The following NBAS variants were observed in gnomAD, a reference collection of about 807,000 sequenced individuals.
The protein encoded by NBAS is NBAS subunit of NRZ tethering complex, also known as NAG/BC035112 fusion.
NBAS carries 219 observed loss-of-function variants against 302.5 expected under a neutral mutation model. The ratio of observed to expected loss-of-function variants is 0.72; its 90% CI spans 0.65 to 0.81. NBAS has a LOEUF of 0.81. NBAS is among the 30% of genes least tolerant of loss of function. NBAS has a pLI of 0.00. For missense variants in NBAS, 2,932 were observed against 2,841.6 expected (o/e 1.03, Z -0.72); for synonymous variants, 1,118 against 1,021.6 (o/e 1.09, Z -1.80).
At chr2:14,888,401 G>A in the NBAS span, among the ~76,000 whole-genome samples, 1 of 151,980 alleles carries the variant, frequency 6.6e-6, no homozygotes, top group African/African-American at 2.4e-5. Flanking sequence ...AAAGTGCTGG[G>A]ATTACAGGCG....
chr2:15,006,467 T>C, the NBAS span, among the ~76,000 whole-genome samples: 12 of 152,126 alleles, frequency 7.9e-5, no homozygotes, highest in Admixed American at 1.3e-4. Flanking sequence ...ATTAAGATGG[T>C]TTTACTAAAT....
At chr2:14,827,139 T>C in the NBAS span, among the ~76,000 whole-genome samples, 1 of 152,198 alleles carries the variant, frequency 6.6e-6, no homozygotes, top group Non-Finnish European at 1.5e-5. Context: ...TGTCTTATAG[T>C]AGTTCAAAGA....
the NBAS span, among the ~76,000 whole-genome samples, chr2:15,016,709 C>A: frequency 6.6e-6 from 1 of 152,106 alleles, no homozygotes; most frequent in African/African-American, 2.4e-5. Flanking sequence ...CATCATACTA[C>A]CAGACTTCAA....
At chr2:14,900,581 T>C in the NBAS span, among the ~76,000 whole-genome samples, 1 of 152,340 alleles carries the variant, frequency 6.6e-6, no homozygotes, top group East Asian at 1.9e-4. Context: ...CCTTCTCTTC[T>C]ATATCACCCA....
the NBAS span, among the ~76,000 whole-genome samples, chr2:14,807,867 C>T: frequency 0.57 from 86,478 of 151,970 alleles, 27,019 homozygotes; most frequent in African/African-American, 0.85. Context: ...ATTGGGCACA[C>T]AGTAGATGTT....
rs985194198 is a variant in NBAS, at chr2:15,394,297, T to C, written c.3187A>G (p.Lys1063Glu). 5 of 1,613,234 alleles carry C rather than the reference T, an allele frequency of 3.1e-6. No homozygotes were observed. In the African/African-American group the frequency reaches 4.0e-5, roughly 13 times the overall value. ...HGLEKPISFV[K>E]NTQSSSEEAR... ...TCTTCTGAGCTAGATTGAGTGTTTT[T>C]AACAAATGAAATTGGTTTCTCGAGT... The change falls in exon 28 of 52, where the codon AAA (lysine) becomes GAA (glutamate). Residue 1063 changes from lysine to glutamate, a missense_variant. Lys to Glu is a moderately conservative substitution (Grantham distance 56). Transcript: ENST00000281513.
At chr2:15,379,495 C>T in intron 30 of NBAS, 107 bp downstream of exon 30, 1 of 1,131,668 alleles carries the variant, frequency 8.8e-7, no homozygotes, top group Middle Eastern at 2.7e-4. Flanking sequence ...ATAGTGTAGT[C>T]AATCTGTACC....
intron 25 of NBAS, among the ~76,000 whole-genome samples, chr2:15,408,494 C>T (rs897632349): frequency 2.0e-5 from 3 of 152,116 alleles, no homozygotes; most frequent in African/African-American, 4.8e-5. Flanking sequence ...TTATATCTCA[C>T]TACTTTCTTT....
the NBAS span, among the ~76,000 whole-genome samples, chr2:14,821,421 G>A: frequency 3.3e-5 from 5 of 152,156 alleles, no homozygotes; most frequent in African/African-American, 1.2e-4. Flanking sequence ...ACTACTTGAT[G>A]CTGACATCCA....
At chr2:15,395,892 T>G (rs1009449041) in intron 27 of NBAS, among the ~76,000 whole-genome samples, 1 of 152,114 alleles carries the variant, frequency 6.6e-6, no homozygotes, top group Non-Finnish European at 1.5e-5. Context: ...TAGTTTAACA[T>G]TTTATTACAA....
At chr2:14,928,773 C>G in the NBAS span, among the ~76,000 whole-genome samples, 1 of 152,082 alleles carries the variant, frequency 6.6e-6, no homozygotes, top group African/African-American at 2.4e-5. Flanking sequence ...AAACAATACC[C>G]TCTGTCAAAC....
chr2:15,045,503 ATTGTT>A, the NBAS span, among the ~76,000 whole-genome samples: 1 of 151,812 alleles, frequency 6.6e-6, no homozygotes, highest in Admixed American at 6.6e-5. Context: ...TTTTCATTTG[ATTGTT>A]TTGTTTTGTT....
chr2:14,896,014 A>C, the NBAS span, among the ~76,000 whole-genome samples: 1 of 151,474 alleles, frequency 6.6e-6, no homozygotes, highest in Non-Finnish European at 1.5e-5. Flanking sequence ...GGAAAAAAAA[A>C]CGAAGATAAA....
the NBAS span, among the ~76,000 whole-genome samples, chr2:14,873,469 C>T: frequency 1.2e-4 from 18 of 152,192 alleles, no homozygotes; most frequent in African/African-American, 3.1e-4. Context: ...CACACGCCTT[C>T]GCCTCCCAAA....
intron 9 of NBAS, among the ~76,000 whole-genome samples, chr2:15,524,139 C>T (rs1295097402): frequency 2.6e-5 from 4 of 152,130 alleles, no homozygotes; most frequent in Non-Finnish European, 4.4e-5. Flanking sequence ...TTATCATAAC[C>T]ACTACTCTCT....
chr2:15,467,440 T>A (rs768774698), intron 18 of NBAS, 33 bp from the exon 19 acceptor site: 2 of 1,528,198 alleles, frequency 1.3e-6, no homozygotes, highest in Admixed American at 3.3e-5. Flanking sequence ...GCCACTTATA[T>A]TTACACAGAA....
intron 9 of NBAS, among the ~76,000 whole-genome samples, chr2:15,532,908 A>T (rs1437071030): frequency 6.6e-6 from 1 of 152,188 alleles, no homozygotes; most frequent in Non-Finnish European, 1.5e-5. Context: ...AAGAATTAAT[A>T]TCTAGATTAT....
the NBAS span, among the ~76,000 whole-genome samples, chr2:15,053,177 T>C: frequency 6.6e-6 from 1 of 152,218 alleles, no homozygotes; most frequent in Non-Finnish European, 1.5e-5. Context: ...TGTTTAGATA[T>C]TAAAGAAGAA....
intron 28 of NBAS, among the ~76,000 whole-genome samples, chr2:15,387,808 GT>G (rs953373109): frequency 3.3e-5 from 5 of 151,842 alleles, no homozygotes; most frequent in African/African-American, 1.2e-4. Flanking sequence ...ATATTTGTTT[GT>G]TTTTTGTAAA....
Sources: allele counts gnomAD v4.1 joint callset (sites outside exome capture counted in the v4.1 genomes callset), GRCh38; gene constraint gnomAD v4.1.1; transcripts MANE v1.5; gene names NCBI Gene and HGNC (gene_info 2026-07-23, HGNC 2026-07-21).